GALNTL6: variants seen among roughly 807,000 people sequenced by gnomAD.
GALNTL6 encodes the protein polypeptide N-acetylgalactosaminyltransferase like 6.
Under a neutral mutation model 73.7 loss-of-function variants are expected in GALNTL6, and 46 were observed. The ratio of observed to expected loss-of-function variants is 0.62; its 90% CI spans 0.49 to 0.80. GALNTL6 has a LOEUF of 0.80. GALNTL6 is among the 30% of genes least tolerant of loss of function. The probability of loss-of-function intolerance (pLI) is 0.00; values close to 1 mark genes in which losing one functional copy is unlikely to be tolerated. For missense variants in GALNTL6, 604 were observed against 755.0 expected (o/e 0.80, Z 2.34); for synonymous variants, 259 against 263.7 (o/e 0.98, Z 0.17).
At chr4:172,817,925 T>G (rs1741704094) in intron 7 of GALNTL6, among the ~76,000 whole-genome samples, 1 of 152,188 alleles carries the variant, frequency 6.6e-6, no homozygotes, top group Non-Finnish European at 1.5e-5. Context: ...ACGAGGAATA[T>G]CTAATTGGTC....
chr4:172,300,361 C>T (rs938633546), intron 3 of GALNTL6, among the ~76,000 whole-genome samples: 1 of 152,052 alleles, frequency 6.6e-6, no homozygotes, highest in Non-Finnish European at 1.5e-5. Context: ...GAGGATTTAG[C>T]CCATTTACAT....
At chr4:172,967,657 G>A (rs1750394178) in intron 10 of GALNTL6, among the ~76,000 whole-genome samples, 1 of 152,062 alleles carries the variant, frequency 6.6e-6, no homozygotes, top group African/African-American at 2.4e-5. Flanking sequence ...GAGAGAGAGA[G>A]ACCACATTGA....
chr4:172,278,208 A>C (rs1023596020), intron 3 of GALNTL6, among the ~76,000 whole-genome samples: 34 of 151,944 alleles, frequency 2.2e-4, no homozygotes, highest in Admixed American at 2.0e-3. Flanking sequence ...TATTGTACTT[A>C]TTTAAGTTTT....
At chr4:172,008,693 A>G (rs1979931) in intron 2 of GALNTL6, among the ~76,000 whole-genome samples, 113,434 of 151,942 alleles carry the variant, frequency 0.75, 42,941 homozygotes, top group Admixed American at 0.84. Context: ...CACGAATGGG[A>G]ATCCTTTACA....
intron 2 of GALNTL6, among the ~76,000 whole-genome samples, chr4:172,140,045 A>G (rs1733761165): frequency 1.3e-5 from 2 of 152,030 alleles, no homozygotes. Flanking sequence ...GAACTCTGAA[A>G]ACAGACCATT....
chr4:172,940,107 G>T (rs1748838776), intron 9 of GALNTL6, among the ~76,000 whole-genome samples: 1 of 150,566 alleles, frequency 6.6e-6, no homozygotes, highest in African/African-American at 2.4e-5. Context: ...CTTGCCATTT[G>T]CAAGTATCAT....
chr4:172,692,480 C>G (rs1733369479), intron 5 of GALNTL6, among the ~76,000 whole-genome samples: 1 of 151,890 alleles, frequency 6.6e-6, no homozygotes, highest in African/African-American at 2.4e-5. Flanking sequence ...TTTGAAAGCA[C>G]CTTTTTGGAC....
chr4:171,987,045 G>T (rs1740118318), intron 2 of GALNTL6, among the ~76,000 whole-genome samples: 1 of 152,008 alleles, frequency 6.6e-6, no homozygotes, highest in Non-Finnish European at 1.5e-5. Context: ...AGTTTTTGGG[G>T]GCACAGTCTA....
intron 4 of GALNTL6, among the ~76,000 whole-genome samples, chr4:172,338,946 G>A (rs1237274290): frequency 6.6e-6 from 1 of 152,158 alleles, no homozygotes; most frequent in Non-Finnish European, 1.5e-5. Context: ...TAAGCTTGGA[G>A]ATCTGTCCAG....
At chr4:172,900,331 GT>G (rs761854955) in intron 8 of GALNTL6, among the ~76,000 whole-genome samples, 15 of 152,114 alleles carry the variant, frequency 9.9e-5, no homozygotes, top group Non-Finnish European at 2.9e-5. Context: ...AGATTAAAAT[GT>G]TCTGTCTCTG....
chr4:171,989,854 G>A (rs2062185847), intron 2 of GALNTL6, among the ~76,000 whole-genome samples: 1 of 152,210 alleles, frequency 6.6e-6, no homozygotes, highest in Non-Finnish European at 1.5e-5. Context: ...CATGAACTGG[G>A]CTGGGTTTTT....
intron 2 of GALNTL6, among the ~76,000 whole-genome samples, chr4:172,217,515 A>T (rs1442536762): frequency 6.6e-6 from 1 of 152,206 alleles, no homozygotes. Context: ...CTTCAAGCCC[A>T]GTGATTCTTT....
At chr4:172,577,767 C>A (rs139657011) in intron 5 of GALNTL6, among the ~76,000 whole-genome samples, 2 of 152,292 alleles carry the variant, frequency 1.3e-5, no homozygotes, top group African/African-American at 4.8e-5. Context: ...CACTCAGCAA[C>A]TTTGTTGTCA....
chr4:172,106,024 A>T (rs2110969827), intron 2 of GALNTL6, among the ~76,000 whole-genome samples: 1 of 152,328 alleles, frequency 6.6e-6, no homozygotes, highest in Admixed American at 6.5e-5. Flanking sequence ...AGATTAATAT[A>T]TCTTTCAAAC....
At chr4:173,022,076 A>AAGGAAAGT in intron 12 of GALNTL6, among the ~76,000 whole-genome samples, 1 of 142,724 alleles carries the variant, frequency 7.0e-6, no homozygotes, top group African/African-American at 2.6e-5. Flanking sequence ...GGAAGGAAGG[A>AAGGAAAGT]AGGAAGGAAG....
intron 5 of GALNTL6, among the ~76,000 whole-genome samples, chr4:172,483,685 C>T (rs959965955): frequency 5.3e-5 from 8 of 151,970 alleles, no homozygotes; most frequent in Middle Eastern, 3.2e-3. Context: ...AGTGAAATGA[C>T]GGCAGTGACT....
At chr4:172,808,546 G>A (rs922209115) in intron 5 of GALNTL6, among the ~76,000 whole-genome samples, 4 of 152,102 alleles carry the variant, frequency 2.6e-5, no homozygotes, top group Admixed American at 2.0e-4. Context: ...GAAAGCAGAG[G>A]ATATAAAATA....
intron 4 of GALNTL6, among the ~76,000 whole-genome samples, chr4:172,324,990 A>G (rs1330703846): frequency 6.6e-6 from 1 of 151,638 alleles, no homozygotes; most frequent in Admixed American, 6.6e-5. Flanking sequence ...CATTTAGTAA[A>G]GTAAGTACAA....
rs1316536965 is a variant in GALNTL6 at position 171,906,192 on chromosome 4, A to G, written c.138+91474A>G. 6.7e-5 allele frequency among the ~76,000 whole-genome samples: 10 copies of G among 149,874 alleles called. No homozygotes were observed. In the South Asian group the frequency reaches 1.3e-3, roughly 19 times the overall value. On this transcript the variant is annotated intron_variant, in intron 2 of 12. Coordinates refer to ENST00000506823, the MANE Select transcript of GALNTL6 (RefSeq NM_001034845.3). ...GACACAAAAAACCCTTCAAAAAATT[A>G]ATGAATCCAGGAGCTGGTTTTTTGA... is the stretch of plus-strand genomic sequence containing the variant.
Sources: gnomAD v4.1 joint callset for allele counts (sites outside exome capture counted in the v4.1 genomes callset) on GRCh38, gnomAD v4.1.1 for gene constraint, MANE v1.5 for transcripts, NCBI Gene and HGNC (gene_info 2026-07-23, HGNC 2026-07-21) for gene names.